Variants in LMBR1 observed in about 807,000 individuals in gnomAD.
The protein encoded by LMBR1 is limb development membrane protein 1.
Under a neutral mutation model 73.9 loss-of-function variants are expected in LMBR1, and 52 were observed. That is an observed-to-expected ratio of 0.70 (90% CI 0.56 to 0.89). LMBR1 has a LOEUF of 0.89. Among genes scored for constraint, LMBR1 ranks in the 40% least tolerant of loss-of-function variants. The pLI is 0.00. For missense variants in LMBR1, 539 were observed against 579.8 expected (o/e 0.93, Z 0.72); for synonymous variants, 215 against 209.4 (o/e 1.03, Z -0.23).
intron 15 of LMBR1, among the ~76,000 whole-genome samples, chr7:156,703,013 A>T (rs1462421204): frequency 6.6e-6 from 1 of 152,184 alleles, no homozygotes; most frequent in Non-Finnish European, 1.5e-5. Flanking sequence ...AGTGTAAGTG[A>T]GTGTCCTTCT....
chr7:156,703,966 C>A (rs1339651540), intron 15 of LMBR1, among the ~76,000 whole-genome samples: 1 of 152,192 alleles, frequency 6.6e-6, no homozygotes, highest in African/African-American at 2.4e-5. Flanking sequence ...GCAAAGCCCA[C>A]TGCAACAACT....
At chr7:156,827,642 G>A (rs1835926240) in intron 3 of LMBR1, among the ~76,000 whole-genome samples, 1 of 151,996 alleles carries the variant, frequency 6.6e-6, no homozygotes, top group African/African-American at 2.4e-5. Flanking sequence ...ATTAGAGATA[G>A]AATGGATATT....
At chr7:156,689,178 A>G (rs2131898056) in intron 15 of LMBR1, among the ~76,000 whole-genome samples, 1 of 152,314 alleles carries the variant, frequency 6.6e-6, no homozygotes, top group African/African-American at 2.4e-5. Flanking sequence ...TTTTCTGACC[A>G]CTGACAGATA....
At chr7:156,831,433 C>A (rs1361355605) in intron 3 of LMBR1, among the ~76,000 whole-genome samples, 2 of 151,990 alleles carry the variant, frequency 1.3e-5, no homozygotes, top group Non-Finnish European at 2.9e-5. Context: ...ACCCAGATCA[C>A]CCTAACTCAT....
intron 9 of LMBR1, among the ~76,000 whole-genome samples, chr7:156,755,576 T>A (rs1021093854): frequency 6.6e-6 from 1 of 152,222 alleles, no homozygotes. Context: ...TATTATAATA[T>A]TTACTGCTTT....
At chr7:156,830,653 T>TAA (rs1419193741) in intron 3 of LMBR1, among the ~76,000 whole-genome samples, 1 of 152,248 alleles carries the variant, frequency 6.6e-6, no homozygotes, top group Non-Finnish European at 1.5e-5. Flanking sequence ...CATTCCATCT[T>TAA]AAGTCTTCAT....
At chr7:156,867,351 T>C (rs1270459100) in intron 1 of LMBR1, among the ~76,000 whole-genome samples, 1 of 152,218 alleles carries the variant, frequency 6.6e-6, no homozygotes, top group Non-Finnish European at 1.5e-5. Context: ...GGAAAACAGG[T>C]TGGCAGTTCC....
At chr7:156,765,289 C>CCCCCATG (rs1823881404) in intron 5 of LMBR1, among the ~76,000 whole-genome samples, 2 of 152,080 alleles carry the variant, frequency 1.3e-5, no homozygotes. Flanking sequence ...GGGGTGGTTT[C>CCCCCATG]CCCCATGCTG....
intron 5 of LMBR1, among the ~76,000 whole-genome samples, chr7:156,792,665 T>C (rs1829422637): frequency 6.6e-6 from 1 of 152,232 alleles, no homozygotes; most frequent in African/African-American, 2.4e-5. Flanking sequence ...AGGCCTAATA[T>C]GTCCTGTTTG....
chr7:156,748,723 A>G (rs1351958811), intron 9 of LMBR1, among the ~76,000 whole-genome samples: 1 of 152,148 alleles, frequency 6.6e-6, no homozygotes, highest in South Asian at 2.1e-4. Flanking sequence ...TCCTTACCTC[A>G]GGTGATCTGC....
At chr7:156,775,424 A>G (rs1401199414) in intron 5 of LMBR1, among the ~76,000 whole-genome samples, 1 of 152,202 alleles carries the variant, frequency 6.6e-6, no homozygotes, top group Non-Finnish European at 1.5e-5. Context: ...ATATTTTAAA[A>G]GATCACACAT....
intron 1 of LMBR1, among the ~76,000 whole-genome samples, chr7:156,871,771 A>T (rs1799325661): frequency 6.6e-6 from 1 of 152,224 alleles, no homozygotes; most frequent in African/African-American, 2.4e-5. Context: ...TCAACAAACT[A>T]CAAACAAATG....
intron 1 of LMBR1, among the ~76,000 whole-genome samples, chr7:156,882,347 A>G (rs1350440963): frequency 1.3e-5 from 2 of 152,204 alleles, no homozygotes; most frequent in Admixed American, 6.5e-5. Flanking sequence ...TAGGAGGCTG[A>G]GGTGAGAGGA....
chr7:156,841,417 G>A (rs76299282), intron 1 of LMBR1, among the ~76,000 whole-genome samples: 22 of 152,194 alleles, frequency 1.4e-4, no homozygotes, highest in African/African-American at 4.8e-4. Flanking sequence ...GAGACTAGAC[G>A]AGATTTCCAT....
At chr7:156,892,719 CGAAGG>C (rs1563649450) in intron 1 of LMBR1, 6 of 343,970 alleles carry the variant, frequency 1.7e-5, no homozygotes, top group Non-Finnish European at 2.5e-5. Context: ...GCAGAGGAAG[CGAAGG>C]GGAGGGGAGG....
downstream of LMBR1, chr7:156,676,436 C>G (rs1398546398): frequency 6.2e-7 from 1 of 1,613,950 alleles, no homozygotes; most frequent in East Asian, 2.2e-5. Context: ...GCCGGGAGAC[C>G]CACGAGTGCT....
chr7:156,808,216 G>T (rs976781475), intron 4 of LMBR1, among the ~76,000 whole-genome samples: 6 of 152,082 alleles, frequency 3.9e-5, no homozygotes, highest in Non-Finnish European at 7.4e-5. Flanking sequence ...TGAAATATCT[G>T]AATGTAATTG....
chr7:156,790,699 T>G (rs1214501795), intron 5 of LMBR1, among the ~76,000 whole-genome samples: 2 of 151,552 alleles, frequency 1.3e-5, no homozygotes, highest in Non-Finnish European at 2.9e-5. Flanking sequence ...TAGATCCAAC[T>G]GTATTAAGAA....
intron 15 of LMBR1, among the ~76,000 whole-genome samples, chr7:156,706,204 ACC>A (rs111621301): frequency 0.097 from 14,677 of 151,880 alleles, 847 homozygotes; most frequent in East Asian, 0.16. Flanking sequence ...TGATAAAGGG[ACC>A]TATTCAGCAA....
Sources: allele counts gnomAD v4.1 joint callset (sites outside exome capture counted in the v4.1 genomes callset), GRCh38; gene constraint gnomAD v4.1.1; transcripts MANE v1.5; gene names NCBI Gene and HGNC (gene_info 2026-07-23, HGNC 2026-07-21).